ADAMTSL1: variants seen among roughly 807,000 people sequenced by gnomAD.
ADAMTSL1 encodes the protein ADAMTS like 1.
In ADAMTSL1, 126 loss-of-function variants were observed where a neutral mutation model predicts 201.8. The observed-to-expected ratio is 0.62, with a 90% CI of 0.54 to 0.72. The LOEUF is 0.72. ADAMTSL1 is among the 30% of genes least tolerant of loss of function. The pLI, the probability that ADAMTSL1 is intolerant of heterozygous loss-of-function variation, is 0.00. For synonymous variants in ADAMTSL1, 1,121 were observed against 903.4 expected (o/e 1.24, Z -4.32); for missense variants, 2,679 against 2,277.8 (o/e 1.18, Z -3.59).
At chr9:18,784,553 C>T (rs72690554) in intron 19 of ADAMTSL1, among the ~76,000 whole-genome samples, 7,245 of 152,170 alleles carry the variant, frequency 0.048, 253 homozygotes, top group South Asian at 0.075. Context: ...TCTGACTTGC[C>T]CATATGTTCT....
intron 19 of ADAMTSL1, among the ~76,000 whole-genome samples, chr9:18,791,141 T>G (rs915712012): frequency 9.2e-5 from 14 of 152,220 alleles, no homozygotes; most frequent in African/African-American, 2.7e-4. Context: ...AATGTTTTTT[T>G]CCAGGAATCT....
intron 1 of ADAMTSL1, among the ~76,000 whole-genome samples, chr9:18,079,722 T>TAAATA (rs946487954): frequency 8.4e-5 from 12 of 143,246 alleles, no homozygotes; most frequent in South Asian, 4.4e-4. Context: ...AATAAATAAA[T>TAAATA]AAATAAAATA....
intron 1 of ADAMTSL1, among the ~76,000 whole-genome samples, chr9:18,105,418 C>A (rs976129082): frequency 6.6e-6 from 1 of 152,176 alleles, no homozygotes; most frequent in Non-Finnish European, 1.5e-5. Flanking sequence ...TTTTCACAGT[C>A]TTTCATGCTA....
intron 2 of ADAMTSL1, among the ~76,000 whole-genome samples, chr9:18,521,392 C>G (rs1818682417): frequency 6.6e-6 from 1 of 151,398 alleles, no homozygotes; most frequent in Non-Finnish European, 1.5e-5. Flanking sequence ...GCATTGCATG[C>G]CTGTATCAAA....
intron 2 of ADAMTSL1, among the ~76,000 whole-genome samples, chr9:18,202,123 A>G (rs1195685439): frequency 6.6e-6 from 1 of 152,172 alleles, no homozygotes; most frequent in East Asian, 1.9e-4. Flanking sequence ...GGTTGTAAAC[A>G]AGTGTTAAAA....
At position 18,908,834 on chromosome 9, in the gene ADAMTSL1, C is replaced by A; in HGVS notation, c.*286C>A. On this transcript the variant is annotated 3_prime_UTR_variant, in exon 29 of 29. Transcript: ENST00000380548. ...GGGGGCTCCCTTGAAGAGCTTCCTC[C>A]CTCCCAAACCTGGGTCTCAAAGACC... is the stretch of plus-strand genomic sequence containing the variant. 2 of 296,802 alleles carry A rather than the reference C, an allele frequency of 6.7e-6. No homozygotes were observed. Among genetic ancestry groups the A allele is most frequent in the South Asian group, 1.0e-4 (2 of 19,502 alleles). The allele number at this position is 296,802 out of a possible 1,614,324, so 18.4% of individuals were successfully genotyped here. A position where few individuals can be genotyped will look rare whatever the true frequency, so the allele number is the denominator to read the frequency against.
intron 15 of ADAMTSL1, among the ~76,000 whole-genome samples, chr9:18,734,102 A>C (rs1325959579): frequency 6.6e-6 from 1 of 152,148 alleles, no homozygotes; most frequent in Admixed American, 6.5e-5. Context: ...CAGGTTGTTG[A>C]ACTTCTCAGG....
chr9:18,168,800 T>A (rs917961598), intron 2 of ADAMTSL1, among the ~76,000 whole-genome samples: 1 of 146,984 alleles, frequency 6.8e-6, no homozygotes, highest in African/African-American at 2.5e-5. Context: ...GTTTCCTGAC[T>A]TTTTAATGAT....
chr9:18,184,463 A>G (rs536565763), intron 2 of ADAMTSL1, among the ~76,000 whole-genome samples: 5 of 152,332 alleles, frequency 3.3e-5, no homozygotes, highest in Admixed American at 6.5e-5. Flanking sequence ...TTCCATAGGC[A>G]GTTAAATACC....
At chr9:18,020,773 C>G (rs1174968814) in intron 1 of ADAMTSL1, among the ~76,000 whole-genome samples, 1 of 152,134 alleles carries the variant, frequency 6.6e-6, no homozygotes, top group Admixed American at 6.6e-5. Flanking sequence ...CTTGAAATGT[C>G]TGTCTACCTC....
chr9:18,443,968 GT>G (rs559644026), intron 2 of ADAMTSL1, among the ~76,000 whole-genome samples: 34 of 152,286 alleles, frequency 2.2e-4, no homozygotes, highest in Middle Eastern at 6.8e-3. Flanking sequence ...AGATGATCTT[GT>G]GTTCTAATGA....
intron 1 of ADAMTSL1, among the ~76,000 whole-genome samples, chr9:17,940,529 G>T (rs1464076342): frequency 6.6e-6 from 1 of 151,912 alleles, no homozygotes; most frequent in African/African-American, 2.4e-5. Context: ...TGGGCAGATA[G>T]CATCTACTTG....
intron 21 of ADAMTSL1, among the ~76,000 whole-genome samples, chr9:18,819,533 A>G (rs1335986491): frequency 6.6e-6 from 1 of 151,942 alleles, no homozygotes; most frequent in East Asian, 1.9e-4. Flanking sequence ...AGAGGACCAG[A>G]ATCTGGTTGA....
At chr9:18,321,481 A>G (rs1446011989) in intron 2 of ADAMTSL1, among the ~76,000 whole-genome samples, 1 of 152,228 alleles carries the variant, frequency 6.6e-6, no homozygotes, top group African/African-American at 2.4e-5. Flanking sequence ...TTTACAGAGC[A>G]TACAGCCAAC....
chr9:18,316,432 C>T (rs942733826), intron 2 of ADAMTSL1, among the ~76,000 whole-genome samples: 16 of 152,040 alleles, frequency 1.1e-4, no homozygotes, highest in African/African-American at 2.4e-4. Context: ...CTGGGGGGGC[C>T]GTTTATAGGC....
chr9:18,360,413 G>A (rs58725882), intron 2 of ADAMTSL1, among the ~76,000 whole-genome samples: 1 of 152,154 alleles, frequency 6.6e-6, no homozygotes, highest in African/African-American at 2.4e-5. Flanking sequence ...TCATTTGCTA[G>A]GTGTAAGATT....
At chr9:18,023,413 T>C (rs867609901) in intron 1 of ADAMTSL1, among the ~76,000 whole-genome samples, 1 of 152,180 alleles carries the variant, frequency 6.6e-6, no homozygotes, top group Admixed American at 6.5e-5. Context: ...TTAATGTTTT[T>C]TATTTGTGGA....
At position 18,903,146 on chromosome 9, in the gene ADAMTSL1, A is replaced by G. The variant is rs372015703; in HGVS notation, c.4852-2636A>G. 2.1e-4 allele frequency among the ~76,000 whole-genome samples: 32 copies of G among 152,358 alleles called. No homozygotes were observed. In the South Asian group the frequency reaches 6.6e-3, roughly 32 times the overall value. On this transcript the variant is annotated intron_variant, in intron 26 of 28. Transcript: ENST00000380548. ...CTTGAACCCAGGAGGTGGAAGTTGC[A>G]GTGAGCAGAGATCACACCACTGCAT...
intron 2 of ADAMTSL1, among the ~76,000 whole-genome samples, chr9:18,507,917 G>A (rs1027743918): frequency 1.3e-5 from 2 of 152,146 alleles, no homozygotes; most frequent in Non-Finnish European, 2.9e-5. Flanking sequence ...AGGCACAGTG[G>A]CTCACGCCTG....
Sources: allele counts gnomAD v4.1 joint callset (sites outside exome capture counted in the v4.1 genomes callset), GRCh38; gene constraint gnomAD v4.1.1; transcripts MANE v1.5; gene names NCBI Gene and HGNC (gene_info 2026-07-23, HGNC 2026-07-21).